DNAH14: variants seen among roughly 807,000 people sequenced by gnomAD.
The protein encoded by DNAH14 is axonemal beta dynein heavy chain 14.
Under a neutral mutation model 520.9 loss-of-function variants are expected in DNAH14, and 478 were observed. That is an observed-to-expected ratio of 0.92 (90% CI 0.85 to 0.99). The LOEUF (loss-of-function observed/expected upper bound fraction) is 0.99, where lower values mean the gene tolerates loss of function less well. Among genes scored for constraint, DNAH14 ranks in the 50% least tolerant of loss-of-function variants. The pLI is 0.00. For synonymous variants in DNAH14, 1,581 were observed against 1,757.2 expected, an observed-to-expected ratio of 0.90 and a Z score of 2.51; for missense variants, 4,831 against 5,234.5, an observed-to-expected ratio of 0.92 and a Z score of 2.38.
intron 25 of DNAH14, 157 bp downstream of exon 25, chr1:225,118,156 C>T (rs969588071): frequency 7.1e-6 from 5 of 700,560 alleles, no homozygotes; most frequent in African/African-American, 1.8e-5. Flanking sequence ...TCCATATTCC[C>T]TACAATACAT....
At chr1:225,373,492 G>T (rs982824994) in intron 77 of DNAH14, among the ~76,000 whole-genome samples, 9 of 151,890 alleles carry the variant, frequency 5.9e-5, no homozygotes, top group Non-Finnish European at 1.2e-4. Context: ...GAGGGAGGGA[G>T]GGGGATAGGA....
At chr1:225,307,169 C>G (rs2094263022) in intron 58 of DNAH14, among the ~76,000 whole-genome samples, 1 of 152,172 alleles carries the variant, frequency 6.6e-6, no homozygotes, top group Non-Finnish European at 1.5e-5. Context: ...TTTATTTTAA[C>G]AGCATCTGTT....
At chr1:225,066,991 A>G (rs2070968037) in intron 17 of DNAH14, among the ~76,000 whole-genome samples, 1 of 152,048 alleles carries the variant, frequency 6.6e-6, no homozygotes, top group African/African-American at 2.4e-5. Context: ...TTTTAAGTTC[A>G]GGGGAACATG....
At chr1:225,354,148 C>A in intron 73 of DNAH14, 1 of 703,190 alleles carries the variant, frequency 1.4e-6, no homozygotes, top group South Asian at 1.5e-5. Flanking sequence ...AGCCCTGTCC[C>A]TTTTGGGATT....
chr1:225,050,063 T>A (rs2068391911), intron 15 of DNAH14, 147 bp from the exon 16 acceptor site: 2 of 681,424 alleles, frequency 2.9e-6, no homozygotes, highest in Non-Finnish European at 4.5e-6. Flanking sequence ...CACCTATTTT[T>A]AAATTCCAGT....
At chr1:225,307,806 T>C (rs1181836151) in intron 59 of DNAH14, among the ~76,000 whole-genome samples, 1 of 152,206 alleles carries the variant, frequency 6.6e-6, no homozygotes, top group Non-Finnish European at 1.5e-5. Context: ...GATAATTAAG[T>C]GTAATAGTAG....
At chr1:225,105,123 C>G (rs1025916390) in intron 23 of DNAH14, among the ~76,000 whole-genome samples, 1 of 152,212 alleles carries the variant, frequency 6.6e-6, no homozygotes, top group African/African-American at 2.4e-5. Flanking sequence ...ATCTTTATTT[C>G]TACCTTCATT....
chr1:225,217,758 G>A (rs1249328725), intron 41 of DNAH14, among the ~76,000 whole-genome samples: 1 of 152,134 alleles, frequency 6.6e-6, no homozygotes, highest in African/African-American at 2.4e-5. Flanking sequence ...CAGAAGCGCA[G>A]TATTAGGGTA....
At chr1:225,119,102 C>T in intron 25 of DNAH14, 118 bp from the exon 26 acceptor site, 1 of 640,830 alleles carries the variant, frequency 1.6e-6, no homozygotes, top group Non-Finnish European at 2.4e-6. Flanking sequence ...AGTAGTAGTC[C>T]TTTGGCCCAT....
intron 43 of DNAH14, among the ~76,000 whole-genome samples, chr1:225,247,967 C>T (rs2092380151): frequency 6.6e-6 from 1 of 151,952 alleles, no homozygotes; most frequent in Non-Finnish European, 1.5e-5. Context: ...TACAGTGAGC[C>T]GAGATCGCGC....
At chr1:225,049,761 T>TCTATCTATCTAC (rs1478039015) in intron 15 of DNAH14, among the ~76,000 whole-genome samples, 1 of 122,696 alleles carries the variant, frequency 8.2e-6, no homozygotes. Flanking sequence ...TATCTATCTG[T>TCTATCTATCTAC]CTATCTATCT....
chr1:225,361,339 T>A (rs146756833), intron 75 of DNAH14, among the ~76,000 whole-genome samples: 1 of 152,254 alleles, frequency 6.6e-6, no homozygotes. Flanking sequence ...AATACTTTTC[T>A]AGGCTGTACC....
At chr1:225,119,347 CAT>C in intron 26 of DNAH14, 53 bp downstream of exon 26, 67 of 1,217,022 alleles carry the variant, frequency 5.5e-5, no homozygotes, top group Non-Finnish European at 6.4e-5. Context: ...TATACTTGCA[CAT>C]ATATATATAC....
At chr1:225,280,993 G>A (rs1401035573) in intron 54 of DNAH14, among the ~76,000 whole-genome samples, 1 of 152,204 alleles carries the variant, frequency 6.6e-6, no homozygotes, top group Non-Finnish European at 1.5e-5. Context: ...GAAAGACACT[G>A]ATGGTAACTT....
intron 66 of DNAH14, among the ~76,000 whole-genome samples, chr1:225,336,609 G>A (rs1282418336): frequency 6.6e-6 from 1 of 152,122 alleles, no homozygotes; most frequent in East Asian, 1.9e-4. Context: ...AGCAACAAAT[G>A]GACTTAATGA....
intron 56 of DNAH14, 37 bp downstream of exon 56, chr1:225,301,067 G>A: frequency 1.3e-6 from 2 of 1,518,706 alleles, no homozygotes; most frequent in African/African-American, 1.4e-5. Flanking sequence ...AAATTGTCAT[G>A]TTAAAAGTAG....
chr1:225,036,133 C>G (rs186538874), intron 11 of DNAH14, among the ~76,000 whole-genome samples: 2 of 151,702 alleles, frequency 1.3e-5, no homozygotes, highest in East Asian at 3.9e-4. Flanking sequence ...GGTTTTTTTT[C>G]TTTTGTTTTG....
At chr1:225,027,733 C>T (rs534747804) in intron 11 of DNAH14, among the ~76,000 whole-genome samples, 3 of 152,194 alleles carry the variant, frequency 2.0e-5, no homozygotes, top group Non-Finnish European at 1.5e-5. Context: ...AGTCACCTTC[C>T]ACCAGACCCC....
At chr1:225,057,047 G>T (rs2069204539) in intron 17 of DNAH14, among the ~76,000 whole-genome samples, 1 of 152,092 alleles carries the variant, frequency 6.6e-6, no homozygotes, top group South Asian at 2.1e-4. Context: ...CTTTAAAGTA[G>T]TTTTTTTCCA....
Sources: allele counts gnomAD v4.1 joint callset (sites outside exome capture counted in the v4.1 genomes callset), GRCh38; gene constraint gnomAD v4.1.1; transcripts MANE v1.5; gene names NCBI Gene and HGNC (gene_info 2026-07-23, HGNC 2026-07-21).